Variants in GCNT2 observed in about 807,000 individuals in gnomAD.
The protein encoded by GCNT2 is glucosaminyl (N-acetyl) transferase 2 (I blood group), also known as N-acetyllactosaminide beta-1,6-N-acetylglucosaminyl-transferase.
Under a neutral mutation model 34.2 loss-of-function variants are expected in GCNT2, and 34 were observed. The observed-to-expected ratio is 1.00, with a 90% CI of 0.76 to 1.32. GCNT2 has a LOEUF of 1.32. Among genes scored for constraint, GCNT2 ranks in the 40% most tolerant of loss-of-function variants. GCNT2 has a pLI of 0.00. For missense variants in GCNT2, 584 were observed against 489.4 expected (o/e 1.19, Z -1.82); for synonymous variants, 212 against 188.0 (o/e 1.13, Z -1.04).
At chr6:10,588,369 A>G (rs565217465) in intron 3 of GCNT2, among the ~76,000 whole-genome samples, 96 of 149,552 alleles carry the variant, frequency 6.4e-4, no homozygotes, top group South Asian at 4.8e-3. Flanking sequence ...GATAGCCTAC[A>G]TCGTTCCTTT....
At chr6:10,572,772 GA>G (rs1763611200) in intron 3 of GCNT2, among the ~76,000 whole-genome samples, 1 of 152,134 alleles carries the variant, frequency 6.6e-6, no homozygotes, top group South Asian at 2.1e-4. Context: ...TAAAAGGATA[GA>G]TGGCTAAATA....
At position 10,528,617 on chromosome 6, in the gene GCNT2, C is replaced by T. The variant is rs2113502550; in HGVS notation, c.-281-14C>T. On this transcript the variant is annotated splice_polypyrimidine_tract_variant and intron_variant, in intron 2 of 4. Coordinates refer to ENST00000495262, the MANE Select transcript of GCNT2 (RefSeq NM_145649.5). ...GGAATCAGAACCTCTCTGAGGACAT[C>T]TGTTTTTGTGTAGACACAGGTTGCA... 1 of 463,216 alleles carries T rather than the reference C, an allele frequency of 2.2e-6. No individual in the cohort carries two copies. The highest frequency in any genetic ancestry group is 4.0e-6 in the Non-Finnish European group (1 of 252,622). The allele number at this position is 463,216 out of a possible 1,614,324, so 28.7% of individuals were successfully genotyped here. A position where few individuals can be genotyped will look rare whatever the true frequency, so the allele number is the denominator to read the frequency against.
At chr6:10,556,544 C>A (rs776308886) in intron 3 of GCNT2, 3 of 1,614,008 alleles carry the variant, frequency 1.9e-6, no homozygotes, top group Non-Finnish European at 2.5e-6. Flanking sequence ...TATCTCAGAC[C>A]CTTTGAGGCT....
chr6:10,594,534 T>C (rs1162560288), intron 3 of GCNT2, among the ~76,000 whole-genome samples: 1 of 152,210 alleles, frequency 6.6e-6, no homozygotes, highest in Non-Finnish European at 1.5e-5. Flanking sequence ...CTAAAACTCT[T>C]CATTTTGTAG....
In GCNT2 at chr6:10,586,696, A is replaced by G. The variant is rs594495; in HGVS notation, c.926-34655A>G. The G allele has an allele frequency of 3.6e-3, 5,787 of 1,614,102 alleles. 130 individuals are homozygous for G. The African/African-American group carries it at 0.059, about 17-fold the overall frequency. ...CGAACTAAATATGTCCACCAAGAGC[A>G]TACAGATAAAGGTGGCTTTTTTGTG... On this transcript the variant is annotated intron_variant, in intron 3 of 4. Coordinates refer to ENST00000495262, the MANE Select transcript of GCNT2 (RefSeq NM_145649.5).
chr6:10,606,675 T>TGGAAATTCCCATTAAAGA (rs1765331154), intron 3 of GCNT2, among the ~76,000 whole-genome samples: 1 of 149,492 alleles, frequency 6.7e-6, no homozygotes, highest in African/African-American at 2.5e-5. Flanking sequence ...AGAAATTTAA[T>TGGAAATTCCCATTAAAGA]AGTGGTTGAG....
chr6:10,555,738 CAG>C (rs1349643186), intron 3 of GCNT2: 5 of 985,278 alleles, frequency 5.1e-6, no homozygotes, highest in Non-Finnish European at 6.0e-6. Flanking sequence ...TTTTGAAAAA[CAG>C]TGGGGTGGGG....
intron 3 of GCNT2, among the ~76,000 whole-genome samples, chr6:10,613,253 C>A (rs751399985): frequency 6.6e-5 from 10 of 152,032 alleles, no homozygotes; most frequent in Non-Finnish European, 1.2e-4. Flanking sequence ...AAGGCTGAGC[C>A]CCAAGAAAAA....
intron 3 of GCNT2, among the ~76,000 whole-genome samples, chr6:10,571,881 T>A (rs761769465): frequency 1.3e-5 from 2 of 150,034 alleles, no homozygotes; most frequent in African/African-American, 2.5e-5. Flanking sequence ...GACTTAGTGA[T>A]GATTTGCACG....
At chr6:10,614,639 AAAAAAAG>A (rs1276506243) in intron 3 of GCNT2, among the ~76,000 whole-genome samples, 16 of 149,392 alleles carry the variant, frequency 1.1e-4, no homozygotes, top group South Asian at 6.3e-4. Flanking sequence ...AAAAAAAAAA[AAAAAAAG>A]AGAAAAAGAA....
intron 3 of GCNT2, among the ~76,000 whole-genome samples, chr6:10,545,862 A>G (rs1762243211): frequency 6.6e-6 from 1 of 152,194 alleles, no homozygotes; most frequent in Non-Finnish European, 1.5e-5. Flanking sequence ...AGGCAAGGTT[A>G]AGAAATAAAA....
chr6:10,565,181 G>A (rs1763222441), intron 3 of GCNT2, among the ~76,000 whole-genome samples: 1 of 152,230 alleles, frequency 6.6e-6, no homozygotes, highest in African/African-American at 2.4e-5. Flanking sequence ...AGCGAACGAG[G>A]ATGAGAGCTG....
intron 3 of GCNT2, among the ~76,000 whole-genome samples, chr6:10,561,197 C>T (rs188550381): frequency 1.3e-5 from 2 of 152,280 alleles, no homozygotes; most frequent in Non-Finnish European, 2.9e-5. Context: ...CAGAGTTTCA[C>T]TCTTGCCCAG....
At chr6:10,598,689 T>C (rs1332536592) in intron 3 of GCNT2, among the ~76,000 whole-genome samples, 1 of 152,066 alleles carries the variant, frequency 6.6e-6, no homozygotes, top group East Asian at 1.9e-4. Context: ...TTTCCAAGAG[T>C]ATTTTCTCGA....
intron 1 of GCNT2, among the ~76,000 whole-genome samples, chr6:10,523,119 C>T (rs1385262593): frequency 6.6e-6 from 1 of 152,178 alleles, no homozygotes; most frequent in African/African-American, 2.4e-5. Flanking sequence ...TTTGACTGAG[C>T]TTGAAAAGAC....
intron 3 of GCNT2, among the ~76,000 whole-genome samples, chr6:10,583,702 G>A (rs2127410273): frequency 6.6e-6 from 1 of 152,276 alleles, no homozygotes; most frequent in East Asian, 1.9e-4. Flanking sequence ...AGTTGGAGAG[G>A]GGGTTGGGTG....
At position 10,613,817 on chromosome 6, in the gene GCNT2, T is replaced by C. The variant is rs367616200; in HGVS notation, c.926-7534T>C. ...AGATTTACCTACTTCATTTGAGAGG[T>C]GAGGTTTGGAGACGTTGGATGATGT... On this transcript the variant is annotated intron_variant, in intron 3 of 4. Coordinates refer to ENST00000495262, the MANE Select transcript of GCNT2 (RefSeq NM_145649.5). Among the ~76,000 whole-genome samples, 54 of 152,112 alleles carry C rather than the reference T, an allele frequency of 3.6e-4. 1 individual carries two copies. The highest frequency in any genetic ancestry group is 1.3e-3 in the African/African-American group (54 of 41,486).
chr6:10,559,686 A>G (rs1478407787), intron 3 of GCNT2, among the ~76,000 whole-genome samples: 1 of 152,242 alleles, frequency 6.6e-6, no homozygotes, highest in East Asian at 1.9e-4. Context: ...CAGGAATTAG[A>G]GGCGAGAGCT....
chr6:10,526,870 C>T (rs1360211586), intron 1 of GCNT2, among the ~76,000 whole-genome samples: 2 of 152,132 alleles, frequency 1.3e-5, no homozygotes, highest in Non-Finnish European at 2.9e-5. Flanking sequence ...CATCCTAAAG[C>T]TTTGGGACCC....
Sources: gnomAD v4.1 joint callset for allele counts (sites outside exome capture counted in the v4.1 genomes callset) on GRCh38, gnomAD v4.1.1 for gene constraint, MANE v1.5 for transcripts, NCBI Gene and HGNC (gene_info 2026-07-23, HGNC 2026-07-21) for gene names.